EPB41L4A: variants seen among roughly 807,000 people sequenced by gnomAD.
EPB41L4A encodes the protein erythrocyte membrane protein band 4.1 like 4A.
Under a neutral mutation model 108.6 loss-of-function variants are expected in EPB41L4A, and 100 were observed. The ratio of observed to expected loss-of-function variants is 0.92; its 90% CI spans 0.78 to 1.09. The LOEUF (loss-of-function observed/expected upper bound fraction) is 1.09, where lower values mean the gene tolerates loss of function less well. Ranked by LOEUF, EPB41L4A falls within the 50% of genes least tolerant of loss-of-function variation. The pLI, the probability that EPB41L4A is intolerant of heterozygous loss-of-function variation, is 0.00. For synonymous variants in EPB41L4A, 319 were observed against 289.0 expected, an observed-to-expected ratio of 1.10 and a Z score of -1.05; for missense variants, 1,030 against 842.7, an observed-to-expected ratio of 1.22 and a Z score of -2.75.
intron 4 of EPB41L4A, among the ~76,000 whole-genome samples, chr5:112,267,071 T>C (rs747970854): frequency 6.6e-6 from 1 of 152,224 alleles, no homozygotes; most frequent in East Asian, 1.9e-4. Flanking sequence ...TGGAACTCTA[T>C]CAATCAGGAT....
chr5:112,252,329 C>T (rs1750736902), intron 9 of EPB41L4A, among the ~76,000 whole-genome samples: 1 of 152,088 alleles, frequency 6.6e-6, no homozygotes, highest in Non-Finnish European at 1.5e-5. Flanking sequence ...GAATCAAAGT[C>T]GCCCTAGTAG....
intron 1 of EPB41L4A, among the ~76,000 whole-genome samples, chr5:112,396,696 C>A (rs1391794324): frequency 6.6e-6 from 1 of 152,128 alleles, no homozygotes. Context: ...CACAGGTCAG[C>A]TGGCTTTCCA....
At chr5:112,206,594 T>C (rs1453502363) in intron 13 of EPB41L4A, among the ~76,000 whole-genome samples, 1 of 151,992 alleles carries the variant, frequency 6.6e-6, no homozygotes, top group Non-Finnish European at 1.5e-5. Context: ...AATACGATAG[T>C]AGAAAGTGTA....
chr5:112,173,496 CT>C (rs1199318111), intron 18 of EPB41L4A: 1 of 150,648 alleles, frequency 6.6e-6, no homozygotes, highest in African/African-American at 2.4e-5. Context: ...ATTTTCTGAT[CT>C]TTTTAAGCCA....
chr5:112,171,397 T>TA (rs1400981547), intron 18 of EPB41L4A, among the ~76,000 whole-genome samples: 1 of 152,204 alleles, frequency 6.6e-6, no homozygotes, highest in Non-Finnish European at 1.5e-5. Context: ...TGTGATTACC[T>TA]AGGAGAAGCA....
chr5:112,316,935 A>T (rs1379449839), intron 1 of EPB41L4A, among the ~76,000 whole-genome samples: 1 of 152,160 alleles, frequency 6.6e-6, no homozygotes. Flanking sequence ...ACTTCGTGAC[A>T]TGGTGACTTA....
chr5:112,149,057 G>C (rs935350577), intron 12 of EPB41L4A, among the ~76,000 whole-genome samples: 2 of 152,102 alleles, frequency 1.3e-5, no homozygotes, highest in African/African-American at 4.8e-5. Flanking sequence ...AAATTGTTCT[G>C]GGTGAATTTG....
chr5:112,289,948 T>C (rs1347100071), intron 2 of EPB41L4A, among the ~76,000 whole-genome samples: 1 of 152,236 alleles, frequency 6.6e-6, no homozygotes, highest in African/African-American at 2.4e-5. Flanking sequence ...CATTCTTGTA[T>C]TCAACAAACT....
At chr5:112,204,603 A>G (rs1762381965) in intron 14 of EPB41L4A, 115 bp from the exon 15 acceptor site, 2 of 589,228 alleles carry the variant, frequency 3.4e-6, no homozygotes. Flanking sequence ...CACATGCACC[A>G]GGGGCACGTG....
At chr5:112,266,011 T>A (rs1751826202) in intron 5 of EPB41L4A, among the ~76,000 whole-genome samples, 1 of 152,190 alleles carries the variant, frequency 6.6e-6, no homozygotes, top group Non-Finnish European at 1.5e-5. Flanking sequence ...GCTATTCCAG[T>A]GACTAAACCT....
intron 11 of EPB41L4A, among the ~76,000 whole-genome samples, chr5:112,237,429 G>T (rs532977678): frequency 1.3e-5 from 2 of 152,108 alleles, no homozygotes; most frequent in African/African-American, 2.4e-5. Context: ...GTAAAGACTA[G>T]AACTCTTGTC....
chr5:112,153,207 A>G (rs1759532278), intron 12 of EPB41L4A, among the ~76,000 whole-genome samples: 2 of 149,702 alleles, frequency 1.3e-5, no homozygotes, highest in South Asian at 4.2e-4. Context: ...TGAAAGAATA[A>G]GATCCTGTCT....
At chr5:112,217,260 G>C (rs1296737722) in intron 12 of EPB41L4A, among the ~76,000 whole-genome samples, 2 of 151,878 alleles carry the variant, frequency 1.3e-5, no homozygotes, top group African/African-American at 4.8e-5. Context: ...TTTTATATTT[G>C]GCAAAACAGA....
chr5:112,366,470 G>A (rs115921635), intron 1 of EPB41L4A, among the ~76,000 whole-genome samples: 1,804 of 152,144 alleles, frequency 0.012, 40 homozygotes, highest in African/African-American at 0.04. Context: ...ACAGGGAGCT[G>A]CTCCCAACAC....
intron 1 of EPB41L4A, among the ~76,000 whole-genome samples, chr5:112,356,452 T>C (rs992216481): frequency 1.3e-5 from 2 of 152,228 alleles, no homozygotes; most frequent in South Asian, 2.1e-4. Context: ...CTGATGTGGC[T>C]GATTTACCAA....
At chr5:112,165,246 C>G in intron 22 of EPB41L4A, 128 bp from the exon 23 acceptor site, 1 of 688,820 alleles carries the variant, frequency 1.5e-6, no homozygotes, top group Non-Finnish European at 2.4e-6. Context: ...TTCATAATAC[C>G]AAAAGCTATT....
rs138349135 is a variant in EPB41L4A at position 112,164,948 on chromosome 5, G to T, written c.*42C>A. 1 of 1,535,862 alleles carries T rather than the reference G, an allele frequency of 6.5e-7. No individual in the cohort carries two copies. Among genetic ancestry groups the T allele is most frequent in the South Asian group, 1.3e-5 (1 of 76,970 alleles). On this transcript the variant is annotated 3_prime_UTR_variant, in exon 23 of 23. Coordinates refer to ENST00000261486, the MANE Select transcript of EPB41L4A (RefSeq NM_022140.5). ...TCACAGTTTCAAAAGTACCAGTGGC[G>T]CACACAACCTTCCCACCCCTACCCT... is the stretch of plus-strand genomic sequence containing the variant.
chr5:112,180,213 A>C (rs1417959362), intron 18 of EPB41L4A, among the ~76,000 whole-genome samples: 1 of 152,194 alleles, frequency 6.6e-6, no homozygotes, highest in Non-Finnish European at 1.5e-5. Context: ...AAAAACTGAC[A>C]AGTTGATTCA....
At chr5:112,208,322 A>AGCCTAGAT (rs1286705151) in intron 13 of EPB41L4A, among the ~76,000 whole-genome samples, 1 of 152,038 alleles carries the variant, frequency 6.6e-6, no homozygotes, top group Non-Finnish European at 1.5e-5. Flanking sequence ...ACATAGAATC[A>AGCCTAGAT]GCCTAGATGA....
Sources: allele counts gnomAD v4.1 joint callset (sites outside exome capture counted in the v4.1 genomes callset), GRCh38; gene constraint gnomAD v4.1.1; transcripts MANE v1.5; gene names NCBI Gene and HGNC (gene_info 2026-07-23, HGNC 2026-07-21).